CD48: variants seen among roughly 807,000 people sequenced by gnomAD.
The protein encoded by CD48 is CD48 antigen.
A neutral mutation model predicts 22.0 loss-of-function variants in CD48; 20 were observed. That is an observed-to-expected ratio of 0.91 (90% confidence interval 0.64 to 1.32). The LOEUF (loss-of-function observed/expected upper bound fraction) is 1.32, where lower values mean the gene tolerates loss of function less well. Among genes scored for constraint, CD48 ranks in the 40% most tolerant of loss-of-function variants. The pLI is 0.00. For missense variants in CD48, 307 were observed against 286.5 expected, an observed-to-expected ratio of 1.07 and a Z score of -0.52; for synonymous variants, 110 against 110.1, an observed-to-expected ratio of 1.00 and a Z score of 0.01.
chr1:160,701,751 A>C, intron 1 of CD48, among the ~76,000 whole-genome samples: 1 of 152,146 alleles, frequency 6.6e-6, no homozygotes, highest in East Asian at 1.9e-4. Flanking sequence ...AAGCAAGATA[A>C]ATGTGCTCTG....
In CD48 at chr1:160,678,997, C is replaced by T. The variant is rs974803411; in HGVS notation, c.*55G>A. On this transcript the variant is annotated 3_prime_UTR_variant, in exon 4 of 4. Transcript: ENST00000368046. ...TCTGTCCTGGTGAGGAGCATGATCA[C>T]CAACAGGCAAGATCTTCTGGCCTTG... 47 of 1,331,626 alleles carry T rather than the reference C, an allele frequency of 3.5e-5. No homozygotes were observed. Among genetic ancestry groups the T allele is most frequent in the Non-Finnish European group, 4.8e-5 (44 of 922,742 alleles). The allele number at this position is 1,331,626 out of a possible 1,614,324, so 82.5% of individuals were successfully genotyped here. A position where few individuals can be genotyped will look rare whatever the true frequency, so the allele number is the denominator to read the frequency against.
At chr1:160,679,708 T>C (rs575980133) in intron 3 of CD48, among the ~76,000 whole-genome samples, 1 of 152,112 alleles carries the variant, frequency 6.6e-6, no homozygotes, top group South Asian at 2.1e-4. Flanking sequence ...GGGGGCTTTC[T>C]AGGATAATTT....
At chr1:160,711,574 T>A in intron 1 of CD48, 108 bp downstream of exon 1, 1 of 816,574 alleles carries the variant, frequency 1.2e-6, no homozygotes. Flanking sequence ...ATACCTGCTT[T>A]CCAGACACCA....
intron 1 of CD48, among the ~76,000 whole-genome samples, chr1:160,698,681 C>T (rs553367494): frequency 6.6e-6 from 1 of 152,058 alleles, no homozygotes; most frequent in Non-Finnish European, 1.5e-5. Context: ...TATTACACCC[C>T]AAATTTATAA....
Position 160,711,730 on chromosome 1 carries a change from G to C in CD48, c.34C>G (p.Leu12Val). Residue 12 changes from leucine (L) to valine (V), a missense_variant, in exon 1 of 4, where the codon CTG (leucine) becomes GTG (valine). Leu to Val is a conservative substitution (Grantham distance 32, BLOSUM62 1). Transcript: ENST00000368046. Reference protein sequence around the residue: ...CSRGWDSCLALELLLLPLSLL... With the variant: ...CSRGWDSCLAVELLLLPLSLL... ...GACAGAGGCAGCAGTAGCAATTCCA[G>C]AGCCAGACACGAATCCCAACCTCTG... is the stretch of plus-strand genomic sequence containing the variant. The C allele has an allele frequency of 3.1e-6, 5 of 1,613,796 alleles. No homozygotes were observed. The highest frequency in any genetic ancestry group is 4.2e-6 in the Non-Finnish European group (5 of 1,179,788).
chr1:160,707,157 C>T (rs7525994), intron 1 of CD48, among the ~76,000 whole-genome samples: 1,656 of 152,122 alleles, frequency 0.011, 28 homozygotes, highest in African/African-American at 0.038. Flanking sequence ...GAGCAGGCTA[C>T]TATTTTTTGA....
Position 160,681,426 on chromosome 1 carries a change from T to A in CD48, c.428A>T (p.Asp143Val), listed in dbSNP as rs1278432790. ...KPVIKIEKIE[D>V]MDDNCYLKLS... Reference sequence around the variant, plus strand: ...TTTCAGATAACAGTTGTCATCCATGTCTTCTATCTTCTCAATTTTGATGAC... The same window carrying A: ...TTTCAGATAACAGTTGTCATCCATGACTTCTATCTTCTCAATTTTGATGAC... The change falls in exon 3 of 4, where the codon GAC becomes GTC. Residue 143 changes from aspartate (D) to valine (V), a missense_variant. Transcript: ENST00000368046. 1 of 1,614,120 alleles carries A rather than the reference T, an allele frequency of 6.2e-7. No homozygotes were observed. Among genetic ancestry groups the A allele is most frequent in the South Asian group, 1.1e-5 (1 of 91,074 alleles).
Position 160,681,279 on chromosome 1 carries a change from C to A in CD48, c.575G>T (p.Arg192Met), listed in dbSNP as rs182828440. The A allele has an allele frequency of 9.9e-6, 16 of 1,614,188 alleles. No homozygotes were observed. The East Asian group carries it at 3.3e-4, about 34-fold the overall frequency. ...ATTGCTGACTTGGCAAGTATAACACCTGGAGTAATTATGTGGCATAAGGGT... is the reference window on the plus strand; with the variant it reads ...ATTGCTGACTTGGCAAGTATAACACATGGAGTAATTATGTGGCATAAGGGT... ...ETTLMPHNYS[R>M]CYTCQVSNSV... Residue 192 changes from arginine to methionine, a missense_variant, in exon 3 of 4, where the codon AGG (arginine) becomes ATG (methionine). Transcript: ENST00000368046.
chr1:160,679,997 ATTAG>A (rs1661735033), intron 3 of CD48, among the ~76,000 whole-genome samples: 1 of 152,212 alleles, frequency 6.6e-6, no homozygotes, highest in Non-Finnish European at 1.5e-5. Flanking sequence ...GACAGGGCCA[ATTAG>A]TTAGGAAGAA....
chr1:160,681,808 T>C (rs1571047912), intron 2 of CD48, among the ~76,000 whole-genome samples: 1 of 152,204 alleles, frequency 6.6e-6, no homozygotes, highest in South Asian at 2.1e-4. Context: ...GTATATCAAC[T>C]GCCTGAGATG....
At chr1:160,689,716 A>T (rs1184450889) in intron 1 of CD48, among the ~76,000 whole-genome samples, 1 of 152,140 alleles carries the variant, frequency 6.6e-6, no homozygotes, top group Non-Finnish European at 1.5e-5. Flanking sequence ...GCAATCTCTG[A>T]CACAGATGTT....
chr1:160,694,898 G>T (rs1019867531), intron 1 of CD48, among the ~76,000 whole-genome samples: 1 of 152,244 alleles, frequency 6.6e-6, no homozygotes. Flanking sequence ...TTAGAAAAGG[G>T]ACATATTGAG....
intron 1 of CD48, among the ~76,000 whole-genome samples, chr1:160,691,128 T>A (rs1662199163): frequency 6.6e-6 from 1 of 152,008 alleles, no homozygotes; most frequent in African/African-American, 2.4e-5. Context: ...TTGTCCAAGG[T>A]TTCTCCCCAT....
At chr1:160,684,723 G>A (rs1265383297) in intron 2 of CD48, 164 bp downstream of exon 2, 4 of 1,561,942 alleles carry the variant, frequency 2.6e-6, no homozygotes, top group Non-Finnish European at 3.5e-6. Context: ...TGTTGACCTA[G>A]GCTCACTCCC....
In CD48 at chr1:160,685,148, T is replaced by A; in HGVS notation, c.124A>T (p.Thr42Ser). 1.9e-6 allele frequency: 3 copies of A among 1,612,038 alleles called. No individual in the cohort carries two copies. Among genetic ancestry groups the A allele is most frequent in the South Asian group, 1.1e-5 (1 of 91,058 alleles). ...GGCAGGCTCTCAGAGATGTTCAGAG[T>A]CACGTTGCTGCCGGAGACCACGGTC... Reference protein sequence around the residue: ...HMTVVSGSNVTLNISESLPEN... With the variant: ...HMTVVSGSNVSLNISESLPEN... Residue 42 changes from threonine (T) to serine (S), a missense_variant, in exon 2 of 4, where the codon ACT becomes TCT. By Grantham distance (58) the Thr-to-Ser change is moderately conservative (BLOSUM62 1). Transcript: ENST00000368046.
intron 1 of CD48, among the ~76,000 whole-genome samples, chr1:160,701,229 A>AGCAGGGGAAGGCAT (rs71090320): frequency 4.2e-5 from 4 of 94,524 alleles, no homozygotes; most frequent in Admixed American, 3.8e-4. Flanking sequence ...TAGGTATTAA[A>AGCAGGGGAAGGCAT]GCCAGGTTGG....
intron 1 of CD48, chr1:160,692,375 T>G (rs1325443390): frequency 6.6e-6 from 1 of 152,106 alleles, no homozygotes; most frequent in Non-Finnish European, 1.5e-5. Context: ...ACATTAAAAT[T>G]AGAAGGAAAA....
chr1:160,706,572 G>A (rs1662800901), intron 1 of CD48, among the ~76,000 whole-genome samples: 1 of 152,016 alleles, frequency 6.6e-6, no homozygotes, highest in Non-Finnish European at 1.5e-5. Context: ...CCACTTTTTA[G>A]GAAGTAGCTG....
intron 1 of CD48, among the ~76,000 whole-genome samples, chr1:160,708,103 T>G (rs1662846119): frequency 1.3e-5 from 2 of 152,086 alleles, no homozygotes; most frequent in African/African-American, 4.8e-5. Context: ...ATGGCTTCTG[T>G]ACGAGGAATT....
Sources: gnomAD v4.1 joint callset for allele counts (sites outside exome capture counted in the v4.1 genomes callset) on GRCh38, gnomAD v4.1.1 for gene constraint, MANE v1.5 for transcripts, NCBI Gene and HGNC (gene_info 2026-07-23, HGNC 2026-07-21) for gene names.